The following LRMDA variants were observed in gnomAD, a reference collection of about 807,000 sequenced individuals.
LRMDA encodes the protein leucine-rich melanocyte differentiation-associated protein.
A neutral mutation model predicts 29.8 loss-of-function variants in LRMDA; 18 were observed. The ratio of observed to expected loss-of-function variants is 0.60; its 90% confidence interval spans 0.42 to 0.90. LRMDA has a LOEUF of 0.90. Among genes scored for constraint, LRMDA ranks in the 40% least tolerant of loss-of-function variants. The probability of loss-of-function intolerance (pLI) is 0.00; values close to 1 mark genes in which losing one functional copy is unlikely to be tolerated. For synonymous variants in LRMDA, 125 were observed against 109.4 expected, an observed-to-expected ratio of 1.14 and a Z score of -0.89; for missense variants, 273 against 273.9, an observed-to-expected ratio of 1.00 and a Z score of 0.02.
intron 2 of LRMDA, among the ~76,000 whole-genome samples, chr10:75,447,329 C>T (rs1844407165): frequency 6.6e-6 from 1 of 152,064 alleles, no homozygotes; most frequent in Non-Finnish European, 1.5e-5. Flanking sequence ...CAGTTGTGAC[C>T]AGCCTGGCCA....
chr10:75,863,118 A>G (rs1346596585), intron 2 of LRMDA, among the ~76,000 whole-genome samples: 6 of 152,082 alleles, frequency 3.9e-5, no homozygotes, highest in Non-Finnish European at 7.4e-5. Flanking sequence ...TCGTTATGTT[A>G]TATTTATGAG....
intron 2 of LRMDA, among the ~76,000 whole-genome samples, chr10:75,565,277 A>G (rs1002389155): frequency 1.3e-5 from 2 of 152,170 alleles, no homozygotes; most frequent in Non-Finnish European, 2.9e-5. Flanking sequence ...TTCCTTTAAG[A>G]ATAGAGTTTC....
intron 5 of LRMDA, among the ~76,000 whole-genome samples, chr10:76,305,717 TGTA>T (rs1840546346): frequency 6.6e-6 from 1 of 152,246 alleles, no homozygotes; most frequent in African/African-American, 2.4e-5. Context: ...TCATTTTTCT[TGTA>T]GTAATCATAT....
chr10:76,128,988 G>T (rs796487892), intron 5 of LRMDA, among the ~76,000 whole-genome samples: 24 of 152,154 alleles, frequency 1.6e-4, no homozygotes, highest in African/African-American at 5.3e-4. Context: ...ACCCTCTGTT[G>T]CACATATGAA....
intron 6 of LRMDA, among the ~76,000 whole-genome samples, chr10:76,491,092 A>T (rs900674436): frequency 2.0e-5 from 3 of 151,370 alleles, no homozygotes; most frequent in African/African-American, 4.8e-5. Flanking sequence ...CTGCTTTTTA[A>T]TTTTTTTTTG....
intron 2 of LRMDA, among the ~76,000 whole-genome samples, chr10:75,506,395 A>G (rs570216475): frequency 7.6e-4 from 116 of 152,364 alleles, no homozygotes; most frequent in Non-Finnish European, 1.4e-3. Context: ...CAAACCAACT[A>G]ACAGTTCTGC....
intron 5 of LRMDA, among the ~76,000 whole-genome samples, chr10:76,192,545 TGGC>T (rs1851264731): frequency 6.6e-6 from 1 of 152,208 alleles, no homozygotes; most frequent in Non-Finnish European, 1.5e-5. Flanking sequence ...ATTGAATGCA[TGGC>T]TCCCTGAATA....
At chr10:75,575,781 C>T (rs780577581) in intron 2 of LRMDA, among the ~76,000 whole-genome samples, 4 of 152,144 alleles carry the variant, frequency 2.6e-5, no homozygotes, top group Non-Finnish European at 5.9e-5. Context: ...GGGGAACTCC[C>T]CCTCCTAGCC....
chr10:76,159,283 T>C (rs750390045), intron 5 of LRMDA, among the ~76,000 whole-genome samples: 1 of 152,182 alleles, frequency 6.6e-6, no homozygotes, highest in Non-Finnish European at 1.5e-5. Flanking sequence ...AAAAACTTTA[T>C]GAGTGCCACA....
intron 2 of LRMDA, among the ~76,000 whole-genome samples, chr10:75,706,458 G>A (rs1281831044): frequency 6.6e-6 from 1 of 152,148 alleles, no homozygotes; most frequent in Non-Finnish European, 1.5e-5. Context: ...TTACTCCAGG[G>A]TCAAATGATT....
chr10:76,267,197 AT>A (rs201650195), intron 5 of LRMDA, among the ~76,000 whole-genome samples: 17 of 151,620 alleles, frequency 1.1e-4, no homozygotes, highest in South Asian at 2.1e-4. Flanking sequence ...TATGCACATA[AT>A]TTTTTTTTGT....
chr10:75,986,188 G>C (rs1256366195), intron 2 of LRMDA, among the ~76,000 whole-genome samples: 1 of 152,184 alleles, frequency 6.6e-6, no homozygotes, highest in East Asian at 1.9e-4. Flanking sequence ...ACAGACACCA[G>C]TGGTTTAAAG....
At chr10:76,290,411 CTTTTTTTTTTT>C (rs11321369) in intron 5 of LRMDA, among the ~76,000 whole-genome samples, 18 of 76,732 alleles carry the variant, frequency 2.3e-4, no homozygotes, top group African/African-American at 6.8e-4. Context: ...TTTATTTTCT[CTTTTTTTTTTT>C]TTTTTTTTTT....
At chr10:75,747,107 T>C (rs572975408) in intron 2 of LRMDA, among the ~76,000 whole-genome samples, 1 of 152,174 alleles carries the variant, frequency 6.6e-6, no homozygotes, top group Non-Finnish European at 1.5e-5. Context: ...TCTTCAATAG[T>C]ATAAATTAGT....
At chr10:76,353,496 C>A (rs924328242) in intron 6 of LRMDA, among the ~76,000 whole-genome samples, 4 of 152,126 alleles carry the variant, frequency 2.6e-5, no homozygotes, top group Non-Finnish European at 4.4e-5. Flanking sequence ...GGGCTCTCCA[C>A]ATTGTCAGGA....
intron 2 of LRMDA, among the ~76,000 whole-genome samples, chr10:75,885,928 T>C (rs886132669): frequency 6.6e-6 from 1 of 152,188 alleles, no homozygotes; most frequent in African/African-American, 2.4e-5. Flanking sequence ...AGTTGTTTGG[T>C]ATGTTTGCTG....
intron 6 of LRMDA, among the ~76,000 whole-genome samples, chr10:76,419,836 ATTG>A (rs1231198760): frequency 1.3e-5 from 2 of 152,058 alleles, no homozygotes; most frequent in Non-Finnish European, 2.9e-5. Flanking sequence ...TCTTTTATCT[ATTG>A]TTTGGAAATA....
intron 5 of LRMDA, among the ~76,000 whole-genome samples, chr10:76,204,804 G>A (rs1023825492): frequency 3.3e-5 from 5 of 152,204 alleles, no homozygotes; most frequent in African/African-American, 1.2e-4. Flanking sequence ...CCGGAAGAAT[G>A]TTATTTGAGC....
chr10:76,392,509 C>T (rs746925136), intron 6 of LRMDA, among the ~76,000 whole-genome samples: 1 of 151,722 alleles, frequency 6.6e-6, no homozygotes, highest in African/African-American at 2.4e-5. Flanking sequence ...TTATACTTAC[C>T]AGCTGAGCAT....
Sources: gnomAD v4.1 joint callset for allele counts (sites outside exome capture counted in the v4.1 genomes callset) on GRCh38, gnomAD v4.1.1 for gene constraint, MANE v1.5 for transcripts, NCBI Gene and HGNC (gene_info 2026-07-23, HGNC 2026-07-21) for gene names.